TMEFF2: variants seen among roughly 807,000 people sequenced by gnomAD.
The protein encoded by TMEFF2 is tomoregulin-2.
In TMEFF2, 28 loss-of-function variants were observed where a neutral mutation model predicts 53.8. That is an observed-to-expected ratio of 0.52 (90% confidence interval 0.39 to 0.71). The LOEUF (loss-of-function observed/expected upper bound fraction) is 0.71, where lower values mean the gene tolerates loss of function less well. Among genes scored for constraint, TMEFF2 ranks in the 30% least tolerant of loss-of-function variants. The pLI, the probability that TMEFF2 is intolerant of heterozygous loss-of-function variation, is 0.00. For missense variants in TMEFF2, 353 were observed against 455.2 expected (o/e 0.78, Z 2.04); for synonymous variants, 162 against 166.3 (o/e 0.97, Z 0.20).
At chr2:192,118,250 T>G (rs1689463944) in intron 4 of TMEFF2, among the ~76,000 whole-genome samples, 1 of 152,150 alleles carries the variant, frequency 6.6e-6, no homozygotes, top group Non-Finnish European at 1.5e-5. Flanking sequence ...CAGATGGATA[T>G]GCCAACAGAT....
intron 4 of TMEFF2, among the ~76,000 whole-genome samples, chr2:192,101,376 C>T (rs968136113): frequency 2.0e-5 from 3 of 152,038 alleles, no homozygotes; most frequent in South Asian, 4.1e-4. Flanking sequence ...ATGAAAAAAA[C>T]TCTAGAGGAT....
intron 5 of TMEFF2, among the ~76,000 whole-genome samples, chr2:192,009,765 T>A (rs1686583124): frequency 6.6e-6 from 1 of 152,176 alleles, no homozygotes; most frequent in Non-Finnish European, 1.5e-5. Flanking sequence ...AACACCTTAA[T>A]TTTATCTGTA....
At chr2:192,086,208 G>A (rs56102307) in intron 4 of TMEFF2, among the ~76,000 whole-genome samples, 4 of 152,080 alleles carry the variant, frequency 2.6e-5, no homozygotes, top group African/African-American at 7.2e-5. Context: ...TGGCATATCC[G>A]GTTGTTGGTT....
chr2:192,037,643 AAGAGAGAGAGAG>A (rs34986284), intron 5 of TMEFF2, among the ~76,000 whole-genome samples: 7 of 143,194 alleles, frequency 4.9e-5, no homozygotes, highest in Non-Finnish European at 7.5e-5. Context: ...AAGAGAGAGA[AAGAGAGAGAGAG>A]AGAGAGAGAG....
chr2:192,050,124 T>C (rs1268728264), intron 5 of TMEFF2, among the ~76,000 whole-genome samples: 1 of 152,226 alleles, frequency 6.6e-6, no homozygotes, highest in Non-Finnish European at 1.5e-5. Context: ...ATGCAGTATT[T>C]TATGATTTTG....
intron 4 of TMEFF2, among the ~76,000 whole-genome samples, chr2:192,074,677 T>A (rs527515050): frequency 6.6e-6 from 1 of 152,068 alleles, no homozygotes; most frequent in East Asian, 1.9e-4. Flanking sequence ...ACATTTCAAC[T>A]GGTCAACAGC....
rs749462297 is a variant in TMEFF2 at position 191,998,235 on chromosome 2, C to T, written c.745+27G>A. The T allele has an allele frequency of 2.8e-5, 44 of 1,550,894 alleles. No homozygotes were observed. The East Asian group carries it at 9.6e-4, about 34-fold the overall frequency. The stretch of plus-strand genomic sequence containing the variant: ...GACTCTCTTTTAATAGAAGAGCTCA[C>T]ATTTTGTAGAAGAAAATATTATGTA... On this transcript the variant is annotated intron_variant, in intron 7 of 9. Coordinates refer to ENST00000272771, the MANE Select transcript of TMEFF2 (RefSeq NM_016192.4).
chr2:191,951,685 T>A (rs1691887790), intron 9 of TMEFF2, among the ~76,000 whole-genome samples: 1 of 152,124 alleles, frequency 6.6e-6, no homozygotes, highest in Admixed American at 6.5e-5. Flanking sequence ...CAGAGCAGAA[T>A]GTTTTCAGGT....
intron 7 of TMEFF2, among the ~76,000 whole-genome samples, chr2:191,994,585 A>G (rs1157139002): frequency 2.0e-5 from 3 of 151,862 alleles, no homozygotes; most frequent in Non-Finnish European, 4.4e-5. Flanking sequence ...ACACACATAT[A>G]TACACATATA....
At chr2:191,979,232 G>C (rs1685801122) in intron 7 of TMEFF2, among the ~76,000 whole-genome samples, 1 of 152,124 alleles carries the variant, frequency 6.6e-6, no homozygotes, top group Non-Finnish European at 1.5e-5. Flanking sequence ...CTGGCATAGA[G>C]GCTAAGTGTA....
intron 7 of TMEFF2, among the ~76,000 whole-genome samples, chr2:191,991,729 A>T (rs1686112493): frequency 6.6e-6 from 1 of 152,114 alleles, no homozygotes; most frequent in African/African-American, 2.4e-5. Flanking sequence ...GAGCATTTCA[A>T]ATAGGAAAAA....
intron 4 of TMEFF2, among the ~76,000 whole-genome samples, chr2:192,123,431 T>C (rs1689606453): frequency 6.6e-6 from 1 of 152,184 alleles, no homozygotes; most frequent in African/African-American, 2.4e-5. Context: ...AACACTTAAA[T>C]CTTTGAAGTT....
At chr2:192,081,345 A>G (rs1264943244) in intron 4 of TMEFF2, among the ~76,000 whole-genome samples, 1 of 152,062 alleles carries the variant, frequency 6.6e-6, no homozygotes, top group Non-Finnish European at 1.5e-5. Context: ...ATACTTAAGT[A>G]GTTTGAGGTT....
chr2:191,996,192 A>ATC (rs1022365598), intron 7 of TMEFF2, among the ~76,000 whole-genome samples: 1 of 151,962 alleles, frequency 6.6e-6, no homozygotes, highest in African/African-American at 2.4e-5. Context: ...GATCAGTAGA[A>ATC]TCTCTCATGA....
intron 4 of TMEFF2, among the ~76,000 whole-genome samples, chr2:192,170,471 G>T (rs1426206237): frequency 6.6e-6 from 1 of 151,924 alleles, no homozygotes; most frequent in Non-Finnish European, 1.5e-5. Flanking sequence ...CTCTCCAACT[G>T]ATTCCACTAA....
At chr2:192,054,022 T>C (rs999148111) in intron 5 of TMEFF2, among the ~76,000 whole-genome samples, 1 of 152,178 alleles carries the variant, frequency 6.6e-6, no homozygotes, top group Non-Finnish European at 1.5e-5. Flanking sequence ...ATTTAAACAC[T>C]AATAACTTTT....
At chr2:191,962,046 G>T (rs1256896001) in intron 7 of TMEFF2, among the ~76,000 whole-genome samples, 1 of 152,184 alleles carries the variant, frequency 6.6e-6, no homozygotes, top group South Asian at 2.1e-4. Flanking sequence ...TTTGTAAAGA[G>T]CAGAGACCCA....
At chr2:191,964,061 T>C (rs1692344733) in intron 7 of TMEFF2, among the ~76,000 whole-genome samples, 2 of 152,164 alleles carry the variant, frequency 1.3e-5, no homozygotes, top group South Asian at 4.1e-4. Context: ...ATATGTACAG[T>C]ATGATAGTTA....
intron 5 of TMEFF2, among the ~76,000 whole-genome samples, chr2:192,011,365 G>A (rs962552812): frequency 3.9e-5 from 6 of 152,186 alleles, no homozygotes; most frequent in Non-Finnish European, 1.5e-5. Context: ...TAGGGGTCAG[G>A]GAAGGCAGAG....
Sources: gnomAD v4.1 joint callset for allele counts (sites outside exome capture counted in the v4.1 genomes callset) on GRCh38, gnomAD v4.1.1 for gene constraint, MANE v1.5 for transcripts, NCBI Gene and HGNC (gene_info 2026-07-23, HGNC 2026-07-21) for gene names.